Variants in HHAT observed in about 807,000 individuals in gnomAD.
HHAT encodes hedgehog acyltransferase.
In HHAT, 47 loss-of-function variants were observed where a neutral mutation model predicts 70.8. The ratio of observed to expected loss-of-function variants is 0.66; its 90% CI spans 0.53 to 0.85. The LOEUF (loss-of-function observed/expected upper bound fraction) is 0.85, where lower values mean the gene tolerates loss of function less well. Ranked by LOEUF, HHAT falls within the 40% of genes least tolerant of loss-of-function variation. The pLI is 0.00. For synonymous variants in HHAT, 228 were observed against 247.6 expected (o/e 0.92, Z 0.74); for missense variants, 609 against 604.8 (o/e 1.01, Z -0.07).
intron 11 of HHAT, among the ~76,000 whole-genome samples, chr1:210,651,288 C>T (rs974319230): frequency 1.3e-5 from 2 of 152,172 alleles, no homozygotes; most frequent in African/African-American, 4.8e-5. Context: ...TGTCAAGATC[C>T]AGTCTGGAAA....
intron 9 of HHAT, among the ~76,000 whole-genome samples, chr1:210,565,928 G>A (rs889094130): frequency 2.6e-5 from 4 of 152,136 alleles, no homozygotes; most frequent in African/African-American, 7.2e-5. Flanking sequence ...TGGGCAAGAC[G>A]GCCTCTTGGA....
chr1:210,639,599 G>T (rs552378280), intron 11 of HHAT, among the ~76,000 whole-genome samples: 2 of 152,326 alleles, frequency 1.3e-5, no homozygotes, highest in African/African-American at 2.4e-5. Context: ...TTTGTTGTTT[G>T]CTATGACATC....
At chr1:210,600,132 A>C (rs941106903) in intron 10 of HHAT, among the ~76,000 whole-genome samples, 7 of 152,240 alleles carry the variant, frequency 4.6e-5, no homozygotes, top group African/African-American at 1.4e-4. Flanking sequence ...GGTACCTTGT[A>C]TATGTTCTCT....
intron 10 of HHAT, 120 bp from the exon 11 acceptor site, chr1:210,623,406 G>A (rs2148873946): frequency 9.4e-7 from 1 of 1,060,304 alleles, no homozygotes; most frequent in Non-Finnish European, 1.4e-6. Flanking sequence ...TTTAAATAAT[G>A]ACCTGGTTTG....
chr1:210,542,432 T>G (rs2095439372), intron 9 of HHAT, among the ~76,000 whole-genome samples: 2 of 152,034 alleles, frequency 1.3e-5, no homozygotes, highest in Non-Finnish European at 2.9e-5. Context: ...ATAGCAGTGT[T>G]AGGTTTAGGA....
At chr1:210,643,966 G>A (rs1673499218) in intron 11 of HHAT, among the ~76,000 whole-genome samples, 1 of 147,438 alleles carries the variant, frequency 6.8e-6, no homozygotes, top group South Asian at 2.2e-4. Flanking sequence ...CTTAAAAGAT[G>A]GATATTCTGA....
intron 9 of HHAT, among the ~76,000 whole-genome samples, chr1:210,546,328 A>C (rs1213138010): frequency 6.6e-6 from 1 of 152,220 alleles, no homozygotes; most frequent in Admixed American, 6.5e-5. Context: ...AGGACCATCC[A>C]CTTGGCCTGA....
intron 3 of HHAT, 123 bp from the exon 4 acceptor site, chr1:210,387,345 T>C (rs549504572): frequency 1.3e-6 from 1 of 788,358 alleles, no homozygotes; most frequent in East Asian, 2.7e-5. Flanking sequence ...TAGAAGTGTG[T>C]AAATCCTCTT....
chr1:210,511,696 G>A (rs1210056072), intron 8 of HHAT, among the ~76,000 whole-genome samples: 5 of 152,042 alleles, frequency 3.3e-5, no homozygotes, highest in African/African-American at 1.2e-4. Flanking sequence ...AGACTGGTGG[G>A]TGGGATGCAA....
chr1:210,548,927 G>A (rs1411276208), intron 9 of HHAT, among the ~76,000 whole-genome samples: 2 of 152,230 alleles, frequency 1.3e-5, no homozygotes, highest in African/African-American at 4.8e-5. Context: ...TGGGGGAAAA[G>A]TATTCTGAAG....
At chr1:210,552,652 A>G (rs2095537006) in intron 9 of HHAT, among the ~76,000 whole-genome samples, 1 of 152,126 alleles carries the variant, frequency 6.6e-6, no homozygotes, top group Admixed American at 6.5e-5. Flanking sequence ...GATGTTTATA[A>G]CCTTCTACCT....
chr1:210,622,041 T>C (rs1017941158), intron 10 of HHAT, among the ~76,000 whole-genome samples: 3 of 152,108 alleles, frequency 2.0e-5, no homozygotes, highest in Admixed American at 6.5e-5. Context: ...TTTCTCTAGA[T>C]GGAGAGGACA....
intron 7 of HHAT, among the ~76,000 whole-genome samples, chr1:210,430,385 C>T (rs561957456): frequency 3.3e-5 from 5 of 151,832 alleles, no homozygotes; most frequent in East Asian, 1.9e-4. Context: ...TGTTATTGTT[C>T]GGAGGCCTGA....
chr1:210,594,571 A>G (rs922589558), intron 10 of HHAT, among the ~76,000 whole-genome samples: 4 of 152,272 alleles, frequency 2.6e-5, no homozygotes, highest in African/African-American at 7.2e-5. Context: ...TACTCAATAT[A>G]TGAGTAGTTT....
rs554755486 is a variant in HHAT, at chr1:210,329,176, T to A, written c.-44+72T>A. The A allele has an allele frequency of 4.4e-5, 49 of 1,106,902 alleles. 1 individual carries two copies. The South Asian group carries it at 1.0e-3, about 23-fold the overall frequency. 68.6% of individuals were successfully genotyped at this position (1,106,902 alleles called of 1,614,324 possible). The stretch of plus-strand genomic sequence containing the variant: ...AATTTTCTGCGTCAGTTTACTCTGT[T>A]AAAAAAAAAATGCACAAAACGCTTT... On this transcript the variant is annotated intron_variant, in intron 1 of 11. Transcript: ENST00000261458.
intron 2 of HHAT, among the ~76,000 whole-genome samples, chr1:210,361,585 T>G (rs752114468): frequency 2.0e-5 from 3 of 151,864 alleles, no homozygotes; most frequent in Non-Finnish European, 2.9e-5. Flanking sequence ...GATCCTACTC[T>G]GAAACCAGCA....
chr1:210,579,911 A>G (rs900374138), intron 9 of HHAT, among the ~76,000 whole-genome samples: 2 of 152,210 alleles, frequency 1.3e-5, no homozygotes, highest in Non-Finnish European at 2.9e-5. Flanking sequence ...TGGAAGCTAC[A>G]AGCTTGGGTT....
chr1:210,516,061 C>T (rs1205713065), intron 9 of HHAT, among the ~76,000 whole-genome samples: 1 of 146,118 alleles, frequency 6.8e-6, no homozygotes, highest in Non-Finnish European at 1.5e-5. Context: ...CAGAGTAAGA[C>T]TCTGTCTCAA....
intron 7 of HHAT, among the ~76,000 whole-genome samples, chr1:210,463,607 G>A (rs996388212): frequency 3.3e-5 from 5 of 152,222 alleles, no homozygotes; most frequent in Admixed American, 1.3e-4. Flanking sequence ...TGTGTACATC[G>A]GGGTACAAGT....
Sources: allele counts gnomAD v4.1 joint callset (sites outside exome capture counted in the v4.1 genomes callset), GRCh38; gene constraint gnomAD v4.1.1; transcripts MANE v1.5; gene names NCBI Gene and HGNC (gene_info 2026-07-23, HGNC 2026-07-21).